SORCS1: variants seen among roughly 807,000 people sequenced by gnomAD.
SORCS1 encodes the protein sortilin related VPS10 domain containing receptor 1.
Under a neutral mutation model 146.1 loss-of-function variants are expected in SORCS1, and 60 were observed. That is an observed-to-expected ratio of 0.41 (90% confidence interval 0.33 to 0.51). SORCS1 has a LOEUF of 0.51. Among genes scored for constraint, SORCS1 ranks in the 20% least tolerant of loss-of-function variants. The pLI, the probability that SORCS1 is intolerant of heterozygous loss-of-function variation, is 0.21. For synonymous variants in SORCS1, 637 were observed against 584.0 expected (o/e 1.09, Z -1.31); for missense variants, 1,352 against 1,487.6 (o/e 0.91, Z 1.50).
At chr10:106,888,146 C>T (rs755439519) in intron 2 of SORCS1, among the ~76,000 whole-genome samples, 111 of 152,110 alleles carry the variant, frequency 7.3e-4, no homozygotes, top group Non-Finnish European at 1.4e-3. Context: ...ATATGGAACA[C>T]AAACTATTCT....
chr10:107,051,845 A>C (rs10748931), intron 1 of SORCS1, among the ~76,000 whole-genome samples: 127,418 of 152,136 alleles, frequency 0.84, 53,562 homozygotes, highest in East Asian at 0.92. Flanking sequence ...CCAACTTTTT[A>C]GATGCTAATC....
chr10:106,610,146 G>A (rs879606472), intron 22 of SORCS1, among the ~76,000 whole-genome samples: 1 of 152,100 alleles, frequency 6.6e-6, no homozygotes, highest in Admixed American at 6.5e-5. Context: ...TAGAGACAGA[G>A]GTGGGTGGCA....
At chr10:106,743,895 T>G (rs201535592) in intron 5 of SORCS1, among the ~76,000 whole-genome samples, 1 of 152,158 alleles carries the variant, frequency 6.6e-6, no homozygotes, top group African/African-American at 2.4e-5. Context: ...CCTTTAATAT[T>G]TTGCTGTTAA....
At chr10:106,783,946 T>A (rs1861084945) in intron 3 of SORCS1, among the ~76,000 whole-genome samples, 1 of 152,230 alleles carries the variant, frequency 6.6e-6, no homozygotes, top group Non-Finnish European at 1.5e-5. Context: ...ACAGTGTAAC[T>A]ATTTTCCTAA....
At chr10:107,109,179 C>G (rs1965509097) in intron 1 of SORCS1, among the ~76,000 whole-genome samples, 1 of 152,204 alleles carries the variant, frequency 6.6e-6, no homozygotes, top group Non-Finnish European at 1.5e-5. Flanking sequence ...TGGTAGCCCC[C>G]TTCTCACAGA....
At chr10:107,055,548 C>A (rs547736237) in intron 1 of SORCS1, among the ~76,000 whole-genome samples, 3 of 152,206 alleles carry the variant, frequency 2.0e-5, no homozygotes, top group Non-Finnish European at 4.4e-5. Flanking sequence ...TTGCTCTGGG[C>A]ACATGAGTGC....
chr10:106,726,943 G>A (rs1380617023), intron 6 of SORCS1, among the ~76,000 whole-genome samples: 3 of 152,018 alleles, frequency 2.0e-5, no homozygotes, highest in East Asian at 1.9e-4. Flanking sequence ...AAAATTAGCC[G>A]GGCGTGGTAG....
intron 3 of SORCS1, among the ~76,000 whole-genome samples, chr10:106,785,713 C>T (rs1011137467): frequency 3.0e-4 from 46 of 152,162 alleles, no homozygotes; most frequent in African/African-American, 1.1e-3. Flanking sequence ...GAAAAGACTA[C>T]GGAGACCACC....
chr10:107,013,138 C>A (rs1019928346), intron 1 of SORCS1, among the ~76,000 whole-genome samples: 10 of 152,098 alleles, frequency 6.6e-5, no homozygotes, highest in Admixed American at 3.9e-4. Context: ...AATAAATAAA[C>A]AAATAGAAAG....
At chr10:106,858,056 G>A (rs918475659) in intron 2 of SORCS1, among the ~76,000 whole-genome samples, 3 of 152,122 alleles carry the variant, frequency 2.0e-5, no homozygotes, top group South Asian at 2.1e-4. Flanking sequence ...ACCTTTCAGC[G>A]TAACTTGCAG....
intron 1 of SORCS1, among the ~76,000 whole-genome samples, chr10:106,984,989 A>G (rs1039038332): frequency 6.6e-6 from 1 of 152,026 alleles, no homozygotes; most frequent in African/African-American, 2.4e-5. Flanking sequence ...GAAGTTCCAC[A>G]TCAGCCTGAC....
intron 1 of SORCS1, among the ~76,000 whole-genome samples, chr10:107,122,591 T>A (rs1966469047): frequency 6.6e-6 from 1 of 152,232 alleles, no homozygotes; most frequent in Non-Finnish European, 1.5e-5. Flanking sequence ...TTTTTATGGA[T>A]AAAATAGCTT....
chr10:106,992,161 A>G (rs1190549168), intron 1 of SORCS1, among the ~76,000 whole-genome samples: 1 of 152,184 alleles, frequency 6.6e-6, no homozygotes, highest in Non-Finnish European at 1.5e-5. Context: ...TTCTCGGTAC[A>G]CACCTCTCTC....
intron 4 of SORCS1, among the ~76,000 whole-genome samples, chr10:106,767,417 G>A (rs759331535): frequency 8.5e-5 from 13 of 152,124 alleles, no homozygotes; most frequent in Non-Finnish European, 1.6e-4. Flanking sequence ...AACACCTCCT[G>A]TGCATTCAGG....
chr10:106,851,561 T>C (rs990569499), intron 2 of SORCS1, among the ~76,000 whole-genome samples: 1 of 152,244 alleles, frequency 6.6e-6, no homozygotes, highest in Admixed American at 6.5e-5. Flanking sequence ...CATTGATCTA[T>C]GTATCTGTTC....
intron 1 of SORCS1, among the ~76,000 whole-genome samples, chr10:107,025,867 G>A (rs191202884): frequency 6.6e-6 from 1 of 152,314 alleles, no homozygotes; most frequent in Admixed American, 6.5e-5. Context: ...CCACAAGTGG[G>A]AGGACCAGCA....
chr10:107,164,723 G>T (rs889544287), upstream of SORCS1, among the ~76,000 whole-genome samples: 1 of 150,190 alleles, frequency 6.7e-6, no homozygotes, highest in Admixed American at 6.6e-5. This position sits in a 1 kb window ranked among gnomAD's most constrained non-coding sequence, Gnocchi z 6.8. Context: ...CGCGGGTCCG[G>T]ACGGAGCGAG....
chr10:106,901,902 G>A (rs972526224), intron 2 of SORCS1, among the ~76,000 whole-genome samples: 1 of 152,144 alleles, frequency 6.6e-6, no homozygotes, highest in Non-Finnish European at 1.5e-5. Flanking sequence ...AAATTAGCCA[G>A]GCATGGTGGC....
chr10:106,927,485 T>C (rs974947800), intron 2 of SORCS1, among the ~76,000 whole-genome samples: 3 of 152,214 alleles, frequency 2.0e-5, no homozygotes, highest in Admixed American at 6.5e-5. Flanking sequence ...GCAAGACTTA[T>C]TGCAAAGAGC....
Sources: gnomAD v4.1 joint callset for allele counts (sites outside exome capture counted in the v4.1 genomes callset) on GRCh38, gnomAD v4.1.1 for gene constraint, Gnocchi (gnomAD v3.1) non-coding constraint, MANE v1.5 for transcripts, NCBI Gene and HGNC (gene_info 2026-07-23, HGNC 2026-07-21) for gene names.